Variants in TEX11 observed in about 807,000 individuals in gnomAD.
TEX11 encodes testis-expressed protein 11.
Under a neutral mutation model 84.4 loss-of-function variants are expected in TEX11, and 7 were observed. The observed-to-expected ratio is 0.08, with a 90% CI of 0.05 to 0.16. The LOEUF (loss-of-function observed/expected upper bound fraction) is 0.16, where lower values mean the gene tolerates loss of function less well. Ranked by LOEUF, TEX11 falls within the 10% of genes least tolerant of loss-of-function variation. The pLI is 1.00. For synonymous variants in TEX11, 264 were observed against 222.8 expected, an observed-to-expected ratio of 1.18 and a Z score of -1.64; for missense variants, 551 against 660.5, an observed-to-expected ratio of 0.83 and a Z score of 1.82.
At chrX:70,886,972 C>T (rs1241188466) in intron 2 of TEX11, among the ~76,000 whole-genome samples, 3 of 111,697 alleles carry the variant, frequency 2.7e-5, no homozygotes, top group African/African-American at 6.5e-5. Context: ...GCTGTGAATG[C>T]GCTGGTTCAC....
chrX:70,791,791 T>TA (rs1252136238), intron 9 of TEX11, among the ~76,000 whole-genome samples: 1 of 111,562 alleles, frequency 9.0e-6, no homozygotes, highest in African/African-American at 3.3e-5. Flanking sequence ...AAGGCAGAAA[T>TA]AAAAAATACT....
chrX:70,552,262 A>G lies in TEX11; in HGVS notation c.2400-16T>C. 1 of 1,202,719 alleles carries G rather than the reference A, an allele frequency of 8.3e-7. No homozygotes were observed. Among genetic ancestry groups the G allele is most frequent in the African/African-American group, 1.7e-5 (1 of 57,323 alleles). Reference sequence around the variant, plus strand: ...CATACATTTGCTGAAAATCAAAAAGAGAAAACTCATCCCATAAGGAAAGAA... The same window carrying G: ...CATACATTTGCTGAAAATCAAAAAGGGAAAACTCATCCCATAAGGAAAGAA... On this transcript the variant is annotated splice_polypyrimidine_tract_variant and intron_variant, in intron 27 of 29. Transcript: ENST00000374333.
chrX:70,778,949 C>A (rs1157824514), intron 9 of TEX11, among the ~76,000 whole-genome samples: 1 of 110,524 alleles, frequency 9.0e-6, no homozygotes, highest in Non-Finnish European at 1.9e-5. Context: ...GTGGCTCATG[C>A]CTGCAATCTC....
At chrX:70,541,325 T>G (rs1247330776) in intron 28 of TEX11, among the ~76,000 whole-genome samples, 1 of 111,718 alleles carries the variant, frequency 9.0e-6, no homozygotes, top group Non-Finnish European at 1.9e-5. Context: ...TGTCAGGGTT[T>G]AAGGAGGAGC....
At chrX:70,884,835 T>C (rs184093672) in intron 2 of TEX11, among the ~76,000 whole-genome samples, 1 of 109,803 alleles carries the variant, frequency 9.1e-6, no homozygotes, top group Non-Finnish European at 1.9e-5. Flanking sequence ...CTCATGAAAA[T>C]CATGACAAGC....
At chrX:70,809,881 T>C (rs763234486) in intron 8 of TEX11, among the ~76,000 whole-genome samples, 1 of 111,632 alleles carries the variant, frequency 9.0e-6, no homozygotes, top group Admixed American at 9.5e-5. Context: ...TAGGTACTGG[T>C]GATTTTGTAA....
chrX:70,801,313 C>T (rs1428166435), intron 9 of TEX11, among the ~76,000 whole-genome samples: 5 of 111,817 alleles, frequency 4.5e-5, no homozygotes, highest in Non-Finnish European at 9.4e-5. Context: ...GGACTAAGAG[C>T]CATTGTGTTG....
At chrX:70,607,482 C>T (rs2089208272) in intron 22 of TEX11, among the ~76,000 whole-genome samples, 1 of 109,913 alleles carries the variant, frequency 9.1e-6, no homozygotes, top group African/African-American at 3.3e-5. Context: ...TGGTGGCACA[C>T]AACTATAGTC....
chrX:70,742,416 T>C (rs949499820), intron 10 of TEX11, among the ~76,000 whole-genome samples: 5 of 109,449 alleles, frequency 4.6e-5, no homozygotes, highest in African/African-American at 6.6e-5. Context: ...TAACATAAAA[T>C]TGACCATCTT....
intron 17 of TEX11, among the ~76,000 whole-genome samples, chrX:70,639,537 G>C (rs2089622448): frequency 8.9e-6 from 1 of 112,060 alleles, no homozygotes. Flanking sequence ...GCTTTGAAGA[G>C]AGCAGGGGTT....
intron 9 of TEX11, among the ~76,000 whole-genome samples, chrX:70,755,272 T>A (rs1335934471): frequency 9.0e-6 from 1 of 111,700 alleles, no homozygotes; most frequent in Non-Finnish European, 1.9e-5. Flanking sequence ...CTTAACAAGT[T>A]TTTGTTAAGT....
At chrX:70,784,771 G>T (rs751118454) in intron 9 of TEX11, among the ~76,000 whole-genome samples, 1 of 111,466 alleles carries the variant, frequency 9.0e-6, no homozygotes, top group East Asian at 2.8e-4. Flanking sequence ...ACTTACAAGG[G>T]ATGTGAAGGA....
chrX:70,842,780 A>T lies in TEX11; in HGVS notation c.526-9187T>A, dbSNP rs145478006. Among the ~76,000 whole-genome samples the T allele has an allele frequency of 2.2e-3, 243 of 112,164 alleles. 1 individual carries two copies. The highest frequency in any genetic ancestry group is 7.7e-3 in the African/African-American group (238 of 30,957). On this transcript the variant is annotated intron_variant, in intron 7 of 29. Coordinates refer to ENST00000374333, the MANE Select transcript of TEX11 (RefSeq NM_031276.3). ...CCTCAAGCTGATAAACAACTTCAGC[A>T]AAGTCTCCGGACACAAAATCAATGT...
chrX:70,664,866 A>AC (rs1382461599), intron 16 of TEX11, among the ~76,000 whole-genome samples: 5 of 107,671 alleles, frequency 4.6e-5, no homozygotes, highest in Non-Finnish European at 7.7e-5. Flanking sequence ...AAAAAAAAAA[A>AC]AAAACCCTCA....
rs200029838 is a variant in TEX11 at position 70,529,139 on chromosome X, C to G, written c.2734G>C (p.Gly912Arg). 59 of 1,208,712 alleles carry G rather than the reference C, an allele frequency of 4.9e-5. 1 individual carries two copies. Among genetic ancestry groups the G allele is most frequent in the Non-Finnish European group, 1.0e-5 (9 of 894,588 alleles). The change falls in exon 30 of 30, where the codon GGC (glycine) becomes CGC (arginine). Residue 912 changes from glycine (G) to arginine (R), a missense_variant. Physicochemically the swap from Gly to Arg is moderately radical, Grantham distance 125. Transcript: ENST00000374333. Reference sequence around the variant, plus strand: ...TAGCCATGTTCATGAAAAACTGGGCCCTTGTTGTTACTCAATGCTTCCACA... The same window carrying G: ...TAGCCATGTTCATGAAAAACTGGGCGCTTGTTGTTACTCAATGCTTCCACA... ...QLVEALSNNK[G>R]PVFHEHGYWS...
At chrX:70,673,944 T>A in intron 15 of TEX11, among the ~76,000 whole-genome samples, 1 of 111,898 alleles carries the variant, frequency 8.9e-6, no homozygotes, top group Non-Finnish European at 1.9e-5. Flanking sequence ...GAAGGTTTGT[T>A]ACATAGGTAA....
chrX:70,737,747 AC>A (rs1261924622), intron 11 of TEX11, among the ~76,000 whole-genome samples: 3 of 110,715 alleles, frequency 2.7e-5, no homozygotes, highest in Non-Finnish European at 3.8e-5. Flanking sequence ...CATTCAAAAA[AC>A]AAAGGTGAAC....
chrX:70,846,634 A>G (rs1213747937), intron 7 of TEX11, among the ~76,000 whole-genome samples: 1 of 111,885 alleles, frequency 8.9e-6, no homozygotes, highest in African/African-American at 3.2e-5. Flanking sequence ...TTGAAATGTG[A>G]TGCCCCAGGT....
chrX:70,564,902 T>C (rs1242717831), intron 25 of TEX11, among the ~76,000 whole-genome samples: 4 of 110,088 alleles, frequency 3.6e-5, no homozygotes, highest in Admixed American at 2.0e-4. Context: ...TGATTTATAG[T>C]CCTTTGGGTA....
Sources: allele counts gnomAD v4.1 joint callset (sites outside exome capture counted in the v4.1 genomes callset), GRCh38; gene constraint gnomAD v4.1.1; transcripts MANE v1.5; gene names NCBI Gene and HGNC (gene_info 2026-07-23, HGNC 2026-07-21).